YAP1: variants seen among roughly 807,000 people sequenced by gnomAD.
YAP1 encodes the protein Yes1 associated transcriptional regulator.
A neutral mutation model predicts 56.9 loss-of-function variants in YAP1; 5 were observed. That is an observed-to-expected ratio of 0.09 (90% confidence interval 0.05 to 0.18). The LOEUF is 0.18. Ranked by LOEUF, YAP1 falls within the 10% of genes least tolerant of loss-of-function variation. The pLI, the probability that YAP1 is intolerant of heterozygous loss-of-function variation, is 1.00. For synonymous variants in YAP1, 265 were observed against 248.1 expected, an observed-to-expected ratio of 1.07 and a Z score of -0.64; for missense variants, 539 against 651.8, an observed-to-expected ratio of 0.83 and a Z score of 1.88.
chr11:102,179,556 G>A (rs1039271381), intron 3 of YAP1, among the ~76,000 whole-genome samples: 2 of 152,282 alleles, frequency 1.3e-5, no homozygotes, highest in African/African-American at 4.8e-5. Context: ...TGCCTGGAAT[G>A]CCCATGCCCG....
chr11:102,141,387 A>G, intron 2 of YAP1, among the ~76,000 whole-genome samples: 1 of 152,202 alleles, frequency 6.6e-6, no homozygotes, highest in East Asian at 1.9e-4. Context: ...CCATGCTCAG[A>G]GGTATGGGAC....
chr11:102,218,127 T>C (rs1949748774), intron 6 of YAP1, among the ~76,000 whole-genome samples: 1 of 152,254 alleles, frequency 6.6e-6, no homozygotes, highest in Admixed American at 6.5e-5. Context: ...AAAATTTACT[T>C]GGAATATCTA....
At chr11:102,188,589 A>C (rs946217155) in intron 4 of YAP1, among the ~76,000 whole-genome samples, 14 of 152,236 alleles carry the variant, frequency 9.2e-5, no homozygotes, top group African/African-American at 3.4e-4. Flanking sequence ...TTCTATGTTT[A>C]GATACACAAA....
At chr11:102,205,753 T>G in intron 4 of YAP1, 140 bp from the exon 5 acceptor site, 1 of 693,612 alleles carries the variant, frequency 1.4e-6, no homozygotes, top group Non-Finnish European at 2.2e-6. Context: ...GTGATATTGA[T>G]GGATTTTTAG....
chr11:102,204,096 T>C (rs1343842615), intron 4 of YAP1, among the ~76,000 whole-genome samples: 1 of 151,922 alleles, frequency 6.6e-6, no homozygotes, highest in Admixed American at 6.6e-5. Context: ...GCTAGCCTGA[T>C]AGAAGAATTG....
intron 1 of YAP1, among the ~76,000 whole-genome samples, chr11:102,112,262 A>G (rs1047769321): frequency 1.8e-4 from 28 of 152,210 alleles, no homozygotes; most frequent in African/African-American, 6.3e-4. Flanking sequence ...TATTGCGGAT[A>G]TGAACATGGC....
At chr11:102,190,293 A>G (rs1401283874) in intron 4 of YAP1, among the ~76,000 whole-genome samples, 1 of 152,190 alleles carries the variant, frequency 6.6e-6, no homozygotes, top group Non-Finnish European at 1.5e-5. Context: ...GTACAGAGGA[A>G]AAGATGTGTG....
At chr11:102,193,012 C>A (rs1280118145) in intron 4 of YAP1, among the ~76,000 whole-genome samples, 1 of 152,146 alleles carries the variant, frequency 6.6e-6, no homozygotes, top group Non-Finnish European at 1.5e-5. Flanking sequence ...TAAACATGTT[C>A]ATGTTAGCAA....
At chr11:102,141,841 A>C (rs1005234417) in intron 2 of YAP1, among the ~76,000 whole-genome samples, 3 of 152,192 alleles carry the variant, frequency 2.0e-5, no homozygotes, top group African/African-American at 4.8e-5. Context: ...TCTGGTATGC[A>C]ATAGATATTT....
chr11:102,135,185 T>G (rs1185542238), intron 2 of YAP1, among the ~76,000 whole-genome samples: 1 of 152,166 alleles, frequency 6.6e-6, no homozygotes, highest in African/African-American at 2.4e-5. Flanking sequence ...TTTGTAGAGA[T>G]GGTGTCTCAC....
intron 2 of YAP1, among the ~76,000 whole-genome samples, chr11:102,125,673 G>A (rs540372010): frequency 1.9e-4 from 29 of 152,158 alleles, no homozygotes; most frequent in Middle Eastern, 3.4e-3. Context: ...GCCATATCAC[G>A]CCTGGCCTGT....
At chr11:102,113,400 T>C (rs1160121286) in intron 1 of YAP1, among the ~76,000 whole-genome samples, 1 of 152,212 alleles carries the variant, frequency 6.6e-6, no homozygotes, top group Non-Finnish European at 1.5e-5. Context: ...CTAGCCAACT[T>C]AGACTGGAAC....
At position 102,110,862 on chromosome 11, in the gene YAP1, A is replaced by T. The variant is rs1279185601; in HGVS notation, c.14A>T (p.Gln5Leu). 7.1e-7 allele frequency: 1 copy of T among 1,413,698 alleles called. No individual in the cohort carries two copies. The highest frequency in any genetic ancestry group is 1.5e-5 in the African/African-American group (1 of 66,790). 87.6% of individuals were successfully genotyped at this position (1,413,698 alleles called of 1,614,324 possible). MDPG[Q>L]QPPPQPAPQG... The stretch of plus-strand genomic sequence containing the variant: ...GAGGCAGAAGCCATGGATCCCGGGC[A>T]GCAGCCGCCGCCTCAACCGGCCCCC... The change falls in exon 1 of 9, where the codon CAG becomes CTG. Residue 5 changes from glutamine (Q) to leucine (L), a missense_variant. Gln to Leu is a moderately radical substitution (Grantham distance 113, BLOSUM62 -2). This residue lies in a region of YAP1 where 106 missense variants were observed against 86.6 expected (regional missense o/e 1.22). Transcript: ENST00000282441.
intron 2 of YAP1, among the ~76,000 whole-genome samples, chr11:102,144,859 C>T (rs1273785587): frequency 1.0e-5 from 1 of 98,104 alleles, no homozygotes; most frequent in Non-Finnish European, 2.6e-5. Flanking sequence ...GGCCAAAACA[C>T]ACACACACAC....
At chr11:102,152,653 A>G (rs1027363925) in intron 2 of YAP1, among the ~76,000 whole-genome samples, 1 of 152,074 alleles carries the variant, frequency 6.6e-6, no homozygotes, top group Non-Finnish European at 1.5e-5. Flanking sequence ...TGTTATTTTT[A>G]TTTGCTTAAT....
At chr11:102,171,340 A>G (rs552851139) in intron 3 of YAP1, among the ~76,000 whole-genome samples, 1 of 152,370 alleles carries the variant, frequency 6.6e-6, no homozygotes, top group East Asian at 1.9e-4. Flanking sequence ...TTTAAAAATG[A>G]TATTCATAGA....
intron 2 of YAP1, among the ~76,000 whole-genome samples, chr11:102,127,003 G>A (rs976728467): frequency 7.9e-5 from 12 of 152,164 alleles, no homozygotes; most frequent in Admixed American, 4.6e-4. Context: ...GATGATTTAG[G>A]TATCTGGCCA....
At position 102,216,386 on chromosome 11, in the gene YAP1, G is replaced by A. The variant is rs186746888; in HGVS notation, c.1032+6822G>A. 2.4e-3 allele frequency among the ~76,000 whole-genome samples: 372 copies of A among 152,080 alleles called. 3 individuals carry two copies. The highest frequency in any genetic ancestry group is 4.1e-3 in the Non-Finnish European group (278 of 67,980). On this transcript the variant is annotated intron_variant, in intron 6 of 8. Coordinates refer to ENST00000282441, the MANE Select transcript of YAP1 (RefSeq NM_001130145.3). ...GGTAAGCATGAAGTCAAATTAATCC[G>A]AATGTTTAATCAAAAATATATTTTA...
chr11:102,168,283 A>G (rs1946718035), intron 3 of YAP1, among the ~76,000 whole-genome samples: 4 of 152,216 alleles, frequency 2.6e-5, no homozygotes, highest in Admixed American at 2.6e-4. Context: ...AGATTGCTGA[A>G]TCTTCAAGGG....
Sources: allele counts gnomAD v4.1 joint callset (sites outside exome capture counted in the v4.1 genomes callset), GRCh38; gene constraint gnomAD v4.1.1; regional missense constraint gnomAD v4.1.1; transcripts MANE v1.5; gene names NCBI Gene and HGNC (gene_info 2026-07-23, HGNC 2026-07-21).